Variants in WBP4 observed in about 807,000 individuals in gnomAD.
The protein encoded by WBP4 is WW domain binding protein 4, also known as WW domain-binding protein 4.
WBP4 carries 37 observed loss-of-function variants against 55.4 expected under a neutral mutation model. The ratio of observed to expected loss-of-function variants is 0.67; its 90% CI spans 0.51 to 0.88. The LOEUF (loss-of-function observed/expected upper bound fraction) is 0.88. WBP4 is among the 40% of genes least tolerant of loss of function. The probability of loss-of-function intolerance (pLI) is 0.00; values close to 1 mark genes in which losing one functional copy is unlikely to be tolerated. For synonymous variants in WBP4, 142 were observed against 140.2 expected (o/e 1.01, Z -0.09); for missense variants, 398 against 420.8 (o/e 0.95, Z 0.47).
Position 41,065,290 on chromosome 13 carries a change from A to G in WBP4, c.262+3A>G, listed in dbSNP as rs766991034. ...GAAAAGACTTGGCTTAGAGTCAGGT[A>G]AAAAAAAAAAAAAAAAAAAAGCAGC... On this transcript the variant is annotated splice_donor_region_variant and intron_variant, in intron 4 of 9. Transcript: ENST00000379487. 1.4e-5 allele frequency: 2 copies of G among 145,268 alleles called. No homozygotes were observed. The highest frequency in any genetic ancestry group is 1.3e-5 in the Non-Finnish European group (1 of 78,406). 9.0% of individuals were successfully genotyped at this position (145,268 alleles called of 1,614,324 possible). A position where few individuals can be genotyped will look rare whatever the true frequency, so the allele number is the denominator to read the frequency against.
chr13:41,062,110 T>G (rs1021602863), intron 1 of WBP4: 8 of 967,858 alleles, frequency 8.3e-6, no homozygotes, highest in East Asian at 1.2e-4. Context: ...TTTTTTTTTT[T>G]TTTTTTTTTT....
chr13:41,082,959 CTT>C lies in WBP4; in HGVS notation c.*46_*47del, dbSNP rs1439286813. ...ACATGCTTTTAGGACAGAATGGAGA[CTT>C]ATACACCCAAAGTTTATCTGTGTTT... On this transcript the variant is annotated 3_prime_UTR_variant, in exon 10 of 10. Transcript: ENST00000379487. 1.3e-6 allele frequency: 2 copies of C among 1,551,458 alleles called. No homozygotes were observed. Among genetic ancestry groups the C allele is most frequent in the South Asian group, 2.3e-5 (2 of 87,416 alleles).
chr13:41,071,596 G>T, intron 6 of WBP4, 23 bp downstream of exon 6: 1 of 1,584,384 alleles, frequency 6.3e-7, no homozygotes, highest in Non-Finnish European at 8.6e-7. Context: ...TATTAATAGT[G>T]TTTTTGTTTT....
intron 2 of WBP4, 78 bp from the exon 3 acceptor site, chr13:41,064,938 A>T: frequency 7.8e-7 from 1 of 1,286,654 alleles, no homozygotes; most frequent in Non-Finnish European, 1.1e-6. Flanking sequence ...TCTCATGTTT[A>T]TGAGAAAATT....
rs760695168 is a variant in WBP4 at position 41,065,155 on chromosome 13, C to G, written c.139-9C>G. 1 of 1,609,004 alleles carries G rather than the reference C, an allele frequency of 6.2e-7. No individual in the cohort carries two copies. Among genetic ancestry groups the G allele is most frequent in the Non-Finnish European group, 8.5e-7 (1 of 1,178,632 alleles). On this transcript the variant is annotated splice_polypyrimidine_tract_variant and intron_variant, in intron 3 of 9. Coordinates refer to ENST00000379487, the MANE Select transcript of WBP4 (RefSeq NM_007187.5). ...ATCTCACTTTCACTGTTATGTATGT[C>G]TTACATAGATTAAACAGAAAAGCCT...
At chr13:41,076,321 C>T in intron 8 of WBP4, 84 bp downstream of exon 8, 1 of 1,107,472 alleles carries the variant, frequency 9.0e-7, no homozygotes, top group Non-Finnish European at 1.2e-6. Flanking sequence ...GTTCTGTCCC[C>T]AGGCTGGAGT....
intron 2 of WBP4, among the ~76,000 whole-genome samples, chr13:41,064,249 C>G (rs1877841908): frequency 6.6e-6 from 1 of 152,078 alleles, no homozygotes; most frequent in South Asian, 2.1e-4. Flanking sequence ...GCTTCTTTCT[C>G]TCTGTTACAG....
intron 1 of WBP4, chr13:41,062,062 C>A (rs1334474075): frequency 1.0e-6 from 1 of 983,808 alleles, no homozygotes; most frequent in Non-Finnish European, 1.2e-6. Flanking sequence ...CCTCCCCCGC[C>A]CACTGGAAGC....
At chr13:41,080,569 C>T (rs1878724123) in intron 8 of WBP4, 77 bp from the exon 9 acceptor site, 1 of 1,121,998 alleles carries the variant, frequency 8.9e-7, no homozygotes, top group Non-Finnish European at 1.3e-6. Context: ...ATAACAATAC[C>T]TTTAAAAGCC....
At chr13:41,069,078 T>G (rs1878115280) in intron 5 of WBP4, among the ~76,000 whole-genome samples, 1 of 152,214 alleles carries the variant, frequency 6.6e-6, no homozygotes, top group South Asian at 2.1e-4. Flanking sequence ...TCACAAATTG[T>G]AGGGGTACTT....
Position 41,061,512 on chromosome 13 carries a change from G to A in WBP4, c.-162G>A. ...GGATTGGATCGTCTGGGCACCCGTA[G>A]TTGGGAACAGCGGAACGCTGGTCCC... On this transcript the variant is annotated 5_prime_UTR_variant, in exon 1 of 10. Transcript: ENST00000379487. 5 of 1,131,118 alleles carry A rather than the reference G, an allele frequency of 4.4e-6. No homozygotes were observed. In the South Asian group the frequency reaches 6.8e-5, roughly 15 times the overall value. 70.1% of individuals were successfully genotyped at this position (1,131,118 alleles called of 1,614,324 possible).
intron 5 of WBP4, among the ~76,000 whole-genome samples, chr13:41,070,329 TTC>T (rs1327300125): frequency 2.0e-5 from 3 of 151,938 alleles, no homozygotes; most frequent in Non-Finnish European, 4.4e-5. Flanking sequence ...TAAAGAAGAC[TTC>T]AGTAGATAAT....
intron 2 of WBP4, among the ~76,000 whole-genome samples, chr13:41,063,035 G>T (rs1877772500): frequency 6.6e-6 from 1 of 152,134 alleles, no homozygotes; most frequent in South Asian, 2.1e-4. Flanking sequence ...CCAAAGAATT[G>T]TGGAAAGCCC....
intron 1 of WBP4, among the ~76,000 whole-genome samples, 169 bp downstream of exon 1, chr13:41,061,844 G>A (rs1399784730): frequency 6.6e-6 from 1 of 152,182 alleles, no homozygotes; most frequent in Admixed American, 6.5e-5. Context: ...TCTCAGGGCG[G>A]GGTAGAAATG....
chr13:41,082,814 C>A lies in WBP4; in HGVS notation c.1031C>A (p.Ser344Tyr). The A allele has an allele frequency of 6.2e-7, 1 of 1,614,084 alleles. No homozygotes were observed. The highest frequency in any genetic ancestry group is 8.5e-7 in the Non-Finnish European group (1 of 1,180,008). Residue 344 changes from serine (S) to tyrosine (Y), a missense_variant, in exon 10 of 10, where the codon TCT (serine) becomes TAT (tyrosine). Ser to Tyr is a moderately radical substitution (Grantham distance 144). Transcript: ENST00000379487. ...KVVFKEKTVT[S>Y]LGVMADGVAP... is the part of the protein sequence containing the mutation. Reference sequence around the variant, plus strand: ...GTATTTAAAGAAAAAACAGTCACTTCTCTTGGAGTTATGGCAGATGGAGTG... The same window carrying A: ...GTATTTAAAGAAAAAACAGTCACTTATCTTGGAGTTATGGCAGATGGAGTG...
At chr13:41,063,009 C>T (rs548931902) in intron 2 of WBP4, among the ~76,000 whole-genome samples, 1 of 152,030 alleles carries the variant, frequency 6.6e-6, no homozygotes, top group Non-Finnish European at 1.5e-5. Context: ...TGGTGGTGTT[C>T]ATAATACTGT....
At position 41,068,586 on chromosome 13, in the gene WBP4, A is replaced by C; in HGVS notation, c.288A>C (p.Pro96=). 6.2e-7 allele frequency: 1 copy of C among 1,609,458 alleles called. No individual in the cohort carries two copies. Among genetic ancestry groups the C allele is most frequent in the South Asian group, 1.1e-5 (1 of 90,080 alleles). The part of the protein sequence containing the change: ...ESEILEPSIT[P]VTSTIPPTST... ...AAATTTTGGAGCCAAGCATAACACC[A>C]GTAACCAGCACTATCCCACCTACCT... is the stretch of plus-strand genomic sequence containing the variant. The change falls in exon 5 of 10, where the codon CCA becomes CCC. Residue 96 remains proline, a synonymous_variant. Transcript: ENST00000379487.
chr13:41,081,700 G>A (rs1566215572), intron 9 of WBP4, among the ~76,000 whole-genome samples: 1 of 152,000 alleles, frequency 6.6e-6, no homozygotes, highest in Non-Finnish European at 1.5e-5. Context: ...TATAAGCCCA[G>A]TACCTTGGGA....
rs187152369 is a variant in WBP4 at position 41,075,669 on chromosome 13, G to T, written c.563-375G>T. Among the ~76,000 whole-genome samples, 3 of 152,122 alleles carry T rather than the reference G, an allele frequency of 2.0e-5. No individual in the cohort carries two copies. The South Asian group carries it at 6.2e-4, about 32-fold the overall frequency. On this transcript the variant is annotated intron_variant, in intron 7 of 9. Coordinates refer to ENST00000379487, the MANE Select transcript of WBP4 (RefSeq NM_007187.5). ...GTGTTGGAATTACAAGCATAAGCCAGCACACTGGGGCCAGGAAAGGAAATC... is the reference window on the plus strand; with the variant it reads ...GTGTTGGAATTACAAGCATAAGCCATCACACTGGGGCCAGGAAAGGAAATC...
Sources: gnomAD v4.1 joint callset for allele counts (sites outside exome capture counted in the v4.1 genomes callset) on GRCh38, gnomAD v4.1.1 for gene constraint, MANE v1.5 for transcripts, NCBI Gene and HGNC (gene_info 2026-07-23, HGNC 2026-07-21) for gene names.